KIF3A: variants seen among roughly 807,000 people sequenced by gnomAD.
The protein encoded by KIF3A is kinesin family member 3A.
A neutral mutation model predicts 92.6 loss-of-function variants in KIF3A; 27 were observed. That is an observed-to-expected ratio of 0.29 (90% CI 0.21 to 0.40). The LOEUF is 0.40. Ranked by LOEUF, KIF3A falls within the 10% of genes least tolerant of loss-of-function variation. The probability of loss-of-function intolerance (pLI) is 1.00; values close to 1 mark genes in which losing one functional copy is unlikely to be tolerated. For missense variants in KIF3A, 581 were observed against 872.6 expected, an observed-to-expected ratio of 0.67 and a Z score of 4.21; for synonymous variants, 250 against 275.4, an observed-to-expected ratio of 0.91 and a Z score of 0.92.
intron 1 of KIF3A, chr5:132,736,734 T>A (rs1473188246): frequency 1.1e-5 from 5 of 460,376 alleles, no homozygotes; most frequent in Non-Finnish European, 2.2e-5. Flanking sequence ...CCAGACAGAT[T>A]AAATAATTAT....
intron 12 of KIF3A, 52 bp from the exon 13 acceptor site, chr5:132,703,117 CT>C (rs1397676747): frequency 6.9e-7 from 1 of 1,452,472 alleles, no homozygotes; most frequent in Non-Finnish European, 9.3e-7. Context: ...TATTATTCTA[CT>C]AATATCATTT....
At chr5:132,718,498 C>T (rs1188674520) in intron 5 of KIF3A, among the ~76,000 whole-genome samples, 1 of 152,182 alleles carries the variant, frequency 6.6e-6, no homozygotes, top group African/African-American at 2.4e-5. Context: ...TTAGCAGAGA[C>T]GAGGTTTCAC....
intron 9 of KIF3A, 40 bp from the exon 10 acceptor site, chr5:132,709,018 A>G (rs1753323499): frequency 1.4e-6 from 2 of 1,429,252 alleles, no homozygotes; most frequent in African/African-American, 2.8e-5. Context: ...AACCAAAGAA[A>G]GAGGAAACAA....
chr5:132,717,244 TA>T (rs1393412295), intron 5 of KIF3A, among the ~76,000 whole-genome samples: 1 of 152,104 alleles, frequency 6.6e-6, no homozygotes, highest in African/African-American at 2.4e-5. Flanking sequence ...TAATACTGCC[TA>T]AAAAATAACT....
chr5:132,708,281 C>CAAAA (rs58058674), intron 10 of KIF3A, among the ~76,000 whole-genome samples: 7 of 66,302 alleles, frequency 1.1e-4, no homozygotes, highest in Admixed American at 1.5e-4. Context: ...GACTCCGTCT[C>CAAAA]AAAAAAAAAA....
At chr5:132,697,650 T>C (rs1445368579) in intron 18 of KIF3A, 1 of 152,206 alleles carries the variant, frequency 6.6e-6, no homozygotes, top group African/African-American at 2.4e-5. Flanking sequence ...ACCCCATCTC[T>C]AGTAAAAATA....
At chr5:132,691,203 T>C (rs1752655491), downstream of KIF3A, among the ~76,000 whole-genome samples, 1 of 152,206 alleles carries the variant, frequency 6.6e-6, no homozygotes, top group South Asian at 2.1e-4. Flanking sequence ...GACCTGAGAA[T>C]TGGTTTCTGT....
At chr5:132,721,102 C>CA (rs973587208) in intron 4 of KIF3A, among the ~76,000 whole-genome samples, 1 of 151,822 alleles carries the variant, frequency 6.6e-6, no homozygotes, top group Admixed American at 6.6e-5. Context: ...TAGGCACTTA[C>CA]AAAAAATTAA....
Position 132,693,477 on chromosome 5 carries a change from T to C in KIF3A, c.*3157A>G, listed in dbSNP as rs1219311977. 6.5e-6 allele frequency: 1 copy of C among 152,790 alleles called. No homozygotes were observed. Among genetic ancestry groups the C allele is most frequent in the African/African-American group, 2.4e-5 (1 of 41,460 alleles). The allele number at this position is 152,790 out of a possible 1,614,324, so 9.5% of individuals were successfully genotyped here. ...ACCCATTCAATAACCTATTTATATATATGTGCCACTCATTTTAAATCTGCA... is the reference window on the plus strand; with the variant it reads ...ACCCATTCAATAACCTATTTATATACATGTGCCACTCATTTTAAATCTGCA... On this transcript the variant is annotated 3_prime_UTR_variant, in exon 19 of 19. Transcript: ENST00000403231.
chr5:132,732,512 C>A (rs1304642318), intron 2 of KIF3A, among the ~76,000 whole-genome samples: 1 of 152,198 alleles, frequency 6.6e-6, no homozygotes, highest in Non-Finnish European at 1.5e-5. Context: ...TGCAATGGCT[C>A]ACGCCTGTAA....
At position 132,695,804 on chromosome 5, in the gene KIF3A, C is replaced by G. The variant is rs1402370429; in HGVS notation, c.*830G>C. 6.6e-6 allele frequency: 1 copy of G among 152,244 alleles called. No homozygotes were observed. Among genetic ancestry groups the G allele is most frequent in the African/African-American group, 2.4e-5 (1 of 41,424 alleles). 9.4% of individuals were successfully genotyped at this position (152,244 alleles called of 1,614,324 possible). On this transcript the variant is annotated 3_prime_UTR_variant, in exon 19 of 19. Transcript: ENST00000403231. ...CCAAAATTTAGAACTCAAAGAAAAG[C>G]ATCCATAACACTTCAGAGTGAATTT...
At chr5:132,705,662 G>C (rs1460117352) in intron 11 of KIF3A, among the ~76,000 whole-genome samples, 1 of 151,876 alleles carries the variant, frequency 6.6e-6, no homozygotes, top group East Asian at 1.9e-4. Flanking sequence ...CTTTCATGAA[G>C]ACAATCAAAG....
chr5:132,697,494 A>T (rs1752878197), intron 18 of KIF3A: 1 of 152,134 alleles, frequency 6.6e-6, no homozygotes, highest in Admixed American at 6.5e-5. Flanking sequence ...CAAGTAAATA[A>T]TTCGAATTTC....
intron 11 of KIF3A, among the ~76,000 whole-genome samples, chr5:132,704,084 G>A (rs1753133275): frequency 6.6e-6 from 1 of 151,670 alleles, no homozygotes; most frequent in Non-Finnish European, 1.5e-5. Context: ...GTCATATATA[G>A]GTATAAAATG....
intron 6 of KIF3A, 149 bp from the exon 7 acceptor site, chr5:132,716,591 G>C: frequency 1.3e-6 from 1 of 780,112 alleles, no homozygotes; most frequent in Non-Finnish European, 2.0e-6. Context: ...GGAAGAAGTG[G>C]GGGAGAGTAC....
intron 2 of KIF3A, among the ~76,000 whole-genome samples, chr5:132,730,789 G>A (rs1754202248): frequency 6.6e-6 from 1 of 151,744 alleles, no homozygotes; most frequent in African/African-American, 2.4e-5. Context: ...GTGAGACCCT[G>A]TTTCAAGAAA....
chr5:132,712,126 C>T (rs757930778), intron 8 of KIF3A, among the ~76,000 whole-genome samples: 5 of 152,052 alleles, frequency 3.3e-5, no homozygotes, highest in South Asian at 4.1e-4. Flanking sequence ...TTTTTTTCTT[C>T]GGGCTTAGAA....
Position 132,699,072 on chromosome 5 carries a change from G to T in KIF3A, c.2132+99C>A, listed in dbSNP as rs530179060. On this transcript the variant is annotated intron_variant, in intron 18 of 18. Transcript: ENST00000403231. ...ATTTTTAATAAATCAGCCAAAATAT[G>T]TATCATGTTTTAACTAAATAAATTT... is the stretch of plus-strand genomic sequence containing the variant. The T allele has an allele frequency of 2.1e-4, 251 of 1,193,220 alleles. 1 individual carries two copies. The highest frequency in any genetic ancestry group is 2.6e-4 in the Non-Finnish European group (217 of 828,340). 73.9% of individuals were successfully genotyped at this position (1,193,220 alleles called of 1,614,324 possible).
chr5:132,724,007 C>A (rs1053831484), intron 4 of KIF3A, among the ~76,000 whole-genome samples: 1 of 152,192 alleles, frequency 6.6e-6, no homozygotes, highest in Non-Finnish European at 1.5e-5. Flanking sequence ...ACAGACACTT[C>A]TCAAAAGAAG....
Sources: gnomAD v4.1 joint callset for allele counts (sites outside exome capture counted in the v4.1 genomes callset) on GRCh38, gnomAD v4.1.1 for gene constraint, MANE v1.5 for transcripts, NCBI Gene and HGNC (gene_info 2026-07-23, HGNC 2026-07-21) for gene names.